AP4M1: variants seen among roughly 807,000 people sequenced by gnomAD.
AP4M1 encodes AP-4 complex subunit mu-1.
Under a neutral mutation model 62.4 loss-of-function variants are expected in AP4M1, and 58 were observed. The observed-to-expected ratio is 0.93, with a 90% CI of 0.75 to 1.16. AP4M1 has a LOEUF of 1.16. Among genes scored for constraint, AP4M1 ranks in the 50% most tolerant of loss-of-function variants. The pLI is 0.00. For synonymous variants in AP4M1, 290 were observed against 239.7 expected, an observed-to-expected ratio of 1.21 and a Z score of -1.94; for missense variants, 626 against 585.4, an observed-to-expected ratio of 1.07 and a Z score of -0.72.
At chr7:100,102,227 A>AC in intron 2 of AP4M1, 1 of 286,298 alleles carries the variant, frequency 3.5e-6, no homozygotes, top group Non-Finnish European at 6.7e-6. Context: ...CTAAAAATAC[A>AC]AAAAAAAAAA....
chr7:100,107,643 A>G lies in AP4M1; in HGVS notation c.*761A>G. 1.2e-6 allele frequency: 2 copies of G among 1,608,006 alleles called. No homozygotes were observed. Among genetic ancestry groups the G allele is most frequent in the Non-Finnish European group, 1.7e-6 (2 of 1,177,998 alleles). On this transcript the variant is annotated 3_prime_UTR_variant, in exon 15 of 15. Coordinates refer to ENST00000359593, the MANE Select transcript of AP4M1 (RefSeq NM_004722.4). ...CAGGACCTGGATAGAAAGGAAAGGC[A>G]GGCCGCTTGCCCTGTGCCCTCCCTG... is the stretch of plus-strand genomic sequence containing the variant.
intron 4 of AP4M1, 178 bp from the exon 5 acceptor site, chr7:100,103,231 C>T (rs1796202876): frequency 7.1e-6 from 5 of 700,834 alleles, no homozygotes; most frequent in Non-Finnish European, 1.3e-5. Flanking sequence ...TTTGTAGAGA[C>T]TAGAGTCTCA....
At position 100,104,022 on chromosome 7, in the gene AP4M1, C is replaced by T. The variant is rs1006175237; in HGVS notation, c.544-70C>T. The T allele has an allele frequency of 2.9e-6, 4 of 1,392,492 alleles. No individual in the cohort carries two copies. In the South Asian group the frequency reaches 3.5e-5, roughly 12 times the overall value. 86.3% of individuals were successfully genotyped at this position (1,392,492 alleles called of 1,614,324 possible). ...TGTAGCTTTGACTGTCCTGTTCTTT[C>T]TCCCTGTCTGTCCATTTCAGAACAT... On this transcript the variant is annotated intron_variant, in intron 6 of 14. Transcript: ENST00000359593.
chr7:100,105,116 C>T lies in AP4M1; in HGVS notation c.727+18C>T, dbSNP rs1016995917. 1 of 1,614,050 alleles carries T rather than the reference C, an allele frequency of 6.2e-7. No homozygotes were observed. Among genetic ancestry groups the T allele is most frequent in the Non-Finnish European group, 8.5e-7 (1 of 1,179,994 alleles). On this transcript the variant is annotated intron_variant, in intron 9 of 14. Coordinates refer to ENST00000359593, the MANE Select transcript of AP4M1 (RefSeq NM_004722.4). The stretch of plus-strand genomic sequence containing the variant: ...GCTGAGAGGTGAGGAGAAAGTGGGT[C>T]TTTCTCCCCTTGGAGTAGGTCATTG...
At chr7:100,101,848 A>G (rs1313751012) in intron 1 of AP4M1, 32 bp from the exon 2 acceptor site, 3 of 1,612,430 alleles carry the variant, frequency 1.9e-6, no homozygotes, top group Non-Finnish European at 2.5e-6. Flanking sequence ...CCTGTGTCGC[A>G]GGATCCTTCA....
intron 11 of AP4M1, 70 bp downstream of exon 11, chr7:100,105,609 A>G (rs1332727934): frequency 2.8e-6 from 4 of 1,447,608 alleles, no homozygotes; most frequent in South Asian, 1.1e-5. Flanking sequence ...CCCAAGACTC[A>G]CTGCAGAGTG....
chr7:100,105,675 G>A (rs986978879), intron 11 of AP4M1, 136 bp downstream of exon 11: 73 of 949,508 alleles, frequency 7.7e-5, no homozygotes, highest in Non-Finnish European at 1.1e-4. Flanking sequence ...GGTTGCGGCC[G>A]GTGGCTCACA....
rs573126333 is a variant in AP4M1, at chr7:100,104,780, G to A, written c.607-94G>A. ...TGGGAGGTGGAGGTTGCAGTGAGCC[G>A]AGATCACGCCACTGCCAGCCTGGGC... On this transcript the variant is annotated intron_variant, in intron 7 of 14. Transcript: ENST00000359593. 5,286 of 1,428,076 alleles carry A rather than the reference G, an allele frequency of 3.7e-3. 18 individuals are homozygous for A. The highest frequency in any genetic ancestry group is 4.2e-3 in the Non-Finnish European group (4,262 of 1,019,390). The allele number at this position is 1,428,076 out of a possible 1,614,324, so 88.5% of individuals were successfully genotyped here. A position where few individuals can be genotyped will look rare whatever the true frequency, so the allele number is the denominator to read the frequency against.
chr7:100,106,326 G>A lies in AP4M1; in HGVS notation c.1025+35G>A, dbSNP rs2293480. The A allele has an allele frequency of 8.5e-5, 137 of 1,613,670 alleles. No individual in the cohort carries two copies. The East Asian group carries it at 2.4e-3, about 29-fold the overall frequency. On this transcript the variant is annotated intron_variant, in intron 13 of 14. Transcript: ENST00000359593. ...TGCACCCACCACGGGGAGATTCCTG[G>A]GGAGAGAGTGAGCTCAGCATGACGG...
rs1374760948 is a variant in AP4M1 at position 100,107,344 on chromosome 7, C to T, written c.*462C>T. 1.2e-5 allele frequency: 19 copies of T among 1,549,914 alleles called. No individual in the cohort carries two copies. The highest frequency in any genetic ancestry group is 1.7e-5 in the Non-Finnish European group (19 of 1,147,228). On this transcript the variant is annotated 3_prime_UTR_variant, in exon 15 of 15. Transcript: ENST00000359593. ...GGACTGTCCCCAGCCTCCTGCTTCCCCCCACAAAGGGCACTGCCGCTGAGT... is the reference window on the plus strand; with the variant it reads ...GGACTGTCCCCAGCCTCCTGCTTCCTCCCACAAAGGGCACTGCCGCTGAGT...
At position 100,107,046 on chromosome 7, in the gene AP4M1, T is replaced by A; in HGVS notation, c.*164T>A. ...ATGGGCCCAGCCTTTCTGTGGTATC[T>A]GATGCAGGAAGGACTGCAGTGGATC... is the stretch of plus-strand genomic sequence containing the variant. On this transcript the variant is annotated 3_prime_UTR_variant, in exon 15 of 15. Coordinates refer to ENST00000359593, the MANE Select transcript of AP4M1 (RefSeq NM_004722.4). 2.5e-6 allele frequency: 3 copies of A among 1,200,624 alleles called. No homozygotes were observed. The highest frequency in any genetic ancestry group is 2.0e-5 in the Admixed American group (1 of 49,832). The allele number at this position is 1,200,624 out of a possible 1,614,324, so 74.4% of individuals were successfully genotyped here. A position where few individuals can be genotyped will look rare whatever the true frequency, so the allele number is the denominator to read the frequency against.
chr7:100,104,657 TC>T (rs1796317237), intron 7 of AP4M1, among the ~76,000 whole-genome samples: 1 of 151,940 alleles, frequency 6.6e-6, no homozygotes, highest in African/African-American at 2.4e-5. Context: ...ACAGTGAAAC[TC>T]CATCTCTACT....
chr7:100,101,595 G>T, upstream of AP4M1: 1 of 1,114,758 alleles, frequency 9.0e-7, no homozygotes, highest in East Asian at 2.4e-5. Flanking sequence ...GGTCCGAGCT[G>T]GCGCGGGCGG....
Position 100,107,478 on chromosome 7 carries a change from C to A in AP4M1, c.*596C>A. ...GACCACGATGTACTTCTGGACACTC[C>A]CAGGACCAGAGGGAGCAGTGCTGGG... On this transcript the variant is annotated 3_prime_UTR_variant, in exon 15 of 15. Transcript: ENST00000359593. 6.2e-7 allele frequency: 1 copy of A among 1,613,968 alleles called. No homozygotes were observed. The highest frequency in any genetic ancestry group is 1.1e-5 in the South Asian group (1 of 91,076).
At chr7:100,106,142 G>C (rs984502078) in intron 12 of AP4M1, 99 bp from the exon 13 acceptor site, 16 of 1,548,892 alleles carry the variant, frequency 1.0e-5, no homozygotes, top group Non-Finnish European at 2.7e-6. Flanking sequence ...TTGGGAAGGT[G>C]GGGGGCACCT....
chr7:100,103,058 T>A, intron 4 of AP4M1, 98 bp downstream of exon 4: 7 of 703,666 alleles, frequency 9.9e-6, no homozygotes, highest in Non-Finnish European at 1.6e-5. Context: ...AGGCCAAGTC[T>A]ACCTTTTTTT....
intron 2 of AP4M1, 177 bp downstream of exon 2, chr7:100,102,145 C>T: frequency 2.8e-6 from 2 of 705,408 alleles, no homozygotes. Flanking sequence ...CTTTGGGAGA[C>T]CGAGGCGGGC....
intron 11 of AP4M1, 35 bp downstream of exon 11, chr7:100,105,574 G>C: frequency 6.3e-7 from 1 of 1,579,498 alleles, no homozygotes; most frequent in Non-Finnish European, 8.7e-7. Context: ...AACTACCTTG[G>C]AACCCAAGCC....
In AP4M1 at chr7:100,101,786, T is replaced by G; in HGVS notation, c.58+14T>G. Reference sequence around the variant, plus strand: ...TCTACAAAGACTGTATCCTAGACCCTTGGGGCTGGGAAGGGGCGGAGGGGC... The same window carrying G: ...TCTACAAAGACTGTATCCTAGACCCGTGGGGCTGGGAAGGGGCGGAGGGGC... On this transcript the variant is annotated intron_variant, in intron 1 of 14. Coordinates refer to ENST00000359593, the MANE Select transcript of AP4M1 (RefSeq NM_004722.4). The G allele has an allele frequency of 7.1e-7, 1 of 1,402,900 alleles. No individual in the cohort carries two copies. The highest frequency in any genetic ancestry group is 9.8e-7 in the Non-Finnish European group (1 of 1,021,648). The allele number at this position is 1,402,900 out of a possible 1,614,324, so 86.9% of individuals were successfully genotyped here. A position where few individuals can be genotyped will look rare whatever the true frequency, so the allele number is the denominator to read the frequency against.
Sources: gnomAD v4.1 joint callset for allele counts (sites outside exome capture counted in the v4.1 genomes callset) on GRCh38, gnomAD v4.1.1 for gene constraint, MANE v1.5 for transcripts, NCBI Gene and HGNC (gene_info 2026-07-23, HGNC 2026-07-21) for gene names.